Variants in ITGB1BP1 observed in about 807,000 individuals in gnomAD.
The protein encoded by ITGB1BP1 is integrin beta-1-binding protein 1.
In ITGB1BP1, 20 loss-of-function variants were observed where a neutral mutation model predicts 28.0. The observed-to-expected ratio is 0.71, with a 90% CI of 0.50 to 1.04. The LOEUF (loss-of-function observed/expected upper bound fraction) is 1.04. Ranked by LOEUF, ITGB1BP1 falls within the 50% of genes least tolerant of loss-of-function variation. ITGB1BP1 has a pLI of 0.00. For missense variants in ITGB1BP1, 228 were observed against 242.5 expected (o/e 0.94, Z 0.40); for synonymous variants, 103 against 89.5 (o/e 1.15, Z -0.85).
At chr2:9,407,183 G>A in intron 6 of ITGB1BP1, 1 of 600,440 alleles carries the variant, frequency 1.7e-6, no homozygotes, top group Non-Finnish European at 2.9e-6. Context: ...GAAGCCTTCG[G>A]CCCCTGGAGG....
At chr2:9,407,295 C>T in intron 6 of ITGB1BP1, 154 bp downstream of exon 6, 2 of 811,364 alleles carry the variant, frequency 2.5e-6, no homozygotes, top group Non-Finnish European at 3.9e-6. Context: ...ACTGTCTTGC[C>T]AGCCGGCTGA....
At chr2:9,418,553 T>A (rs963518635) in intron 2 of ITGB1BP1, 73 bp downstream of exon 2, 8 of 1,008,268 alleles carry the variant, frequency 7.9e-6, no homozygotes, top group South Asian at 2.5e-5. Flanking sequence ...GTCAGTATCC[T>A]CCATACAATA....
intron 4 of ITGB1BP1, 24 bp downstream of exon 4, chr2:9,412,245 A>T: frequency 1.9e-6 from 3 of 1,575,722 alleles, no homozygotes; most frequent in Non-Finnish European, 2.6e-6. Context: ...ATAACCAGAG[A>T]GTTACGGAAT....
At chr2:9,407,054 C>T (rs1304548114) in intron 6 of ITGB1BP1, 149 bp from the exon 7 acceptor site, 7 of 657,816 alleles carry the variant, frequency 1.1e-5, no homozygotes, top group African/African-American at 1.8e-5. Context: ...GGAACCCATA[C>T]TATGAGCTTC....
intron 2 of ITGB1BP1, among the ~76,000 whole-genome samples, chr2:9,417,085 T>A (rs573983650): frequency 1.3e-5 from 2 of 152,142 alleles, no homozygotes; most frequent in Middle Eastern, 6.8e-3. Context: ...TCCTGCCCTT[T>A]CCCTGCTCAC....
chr2:9,406,997 A>G, intron 6 of ITGB1BP1, 92 bp from the exon 7 acceptor site: 1 of 935,958 alleles, frequency 1.1e-6, no homozygotes, highest in Non-Finnish European at 1.8e-6. Flanking sequence ...TGACCCTCTT[A>G]AGACCTCTCC....
At chr2:9,407,626 G>T in intron 5 of ITGB1BP1, 28 bp from the exon 6 acceptor site, 1 of 1,612,868 alleles carries the variant, frequency 6.2e-7, no homozygotes, top group South Asian at 1.1e-5. Flanking sequence ...GATTCCGAGA[G>T]ATCAGGACTC....
chr2:9,412,269 CT>C lies in ITGB1BP1; in HGVS notation c.287del (p.Gln96ArgfsTer24). On this transcript the variant is annotated frameshift_variant and splice_region_variant, in exon 4 of 7. Transcript: ENST00000355346. LOFTEE classifies it high-confidence loss of function. The stretch of plus-strand genomic sequence containing the variant: ...GAGTTACGGAATTTTTTTTTTTTAC[CT>C]GGGCAACGTCTATATAATTTATCAG... ...LDLINYIDVAQQDGKLPFVPP... is the reference protein window; with the variant it reads ...LDLINYIDVAXQDGKLPFVPP... 1 of 1,598,226 alleles carries C rather than the reference CT, an allele frequency of 6.3e-7. No homozygotes were observed. The highest frequency in any genetic ancestry group is 1.4e-5 in the African/African-American group (1 of 73,872).
chr2:9,407,683 G>T, intron 5 of ITGB1BP1, 85 bp from the exon 6 acceptor site: 3 of 1,472,076 alleles, frequency 2.0e-6, no homozygotes, highest in East Asian at 2.3e-5. Context: ...GGCAGAGTGA[G>T]GCTTGAAACA....
rs1166903257 is a variant in ITGB1BP1, at chr2:9,406,982, A to G, written c.532-77T>C. The G allele has an allele frequency of 1.7e-5, 18 of 1,070,658 alleles. No individual in the cohort carries two copies. The Admixed American group carries it at 3.1e-4, about 18-fold the overall frequency. 66.3% of individuals were successfully genotyped at this position (1,070,658 alleles called of 1,614,324 possible). Reference sequence around the variant, plus strand: ...AACTTAATTTGGCTAGCAGAGGCACACACCTGACCCTCTTAAGACCTCTCC... The same window carrying G: ...AACTTAATTTGGCTAGCAGAGGCACGCACCTGACCCTCTTAAGACCTCTCC... On this transcript the variant is annotated intron_variant, in intron 6 of 6. Transcript: ENST00000355346.
Position 9,404,118 on chromosome 2 carries a change from C to T in ITGB1BP1, c.*2716G>A, listed in dbSNP as rs1052354588. On this transcript the variant is annotated 3_prime_UTR_variant, in exon 7 of 7. Coordinates refer to ENST00000355346, the MANE Select transcript of ITGB1BP1 (RefSeq NM_004763.5). ...CTTTAGGTGTTTTGGAATTTGCCTT[C>T]TTGAACTTCCTGAGTCACACAGAAA... 6.6e-6 allele frequency: 1 copy of T among 152,208 alleles called. No homozygotes were observed. Among genetic ancestry groups the T allele is most frequent in the Non-Finnish European group, 1.5e-5 (1 of 68,048 alleles). 9.4% of individuals were successfully genotyped at this position (152,208 alleles called of 1,614,324 possible). A position where few individuals can be genotyped will look rare whatever the true frequency, so the allele number is the denominator to read the frequency against.
Position 9,405,111 on chromosome 2 carries a change from C to T in ITGB1BP1, c.*1723G>A, listed in dbSNP as rs1003946843. 2.0e-5 allele frequency: 3 copies of T among 152,348 alleles called. No homozygotes were observed. Among genetic ancestry groups the T allele is most frequent in the African/African-American group, 7.2e-5 (3 of 41,412 alleles). 9.4% of individuals were successfully genotyped at this position (152,348 alleles called of 1,614,324 possible). ...TTCATATCAACATTAGAACTCCAGTCCCAAACTAATCTGTCAGGTTCACTG... is the reference window on the plus strand; with the variant it reads ...TTCATATCAACATTAGAACTCCAGTTCCAAACTAATCTGTCAGGTTCACTG... On this transcript the variant is annotated 3_prime_UTR_variant, in exon 7 of 7. Coordinates refer to ENST00000355346, the MANE Select transcript of ITGB1BP1 (RefSeq NM_004763.5).
intron 4 of ITGB1BP1, among the ~76,000 whole-genome samples, chr2:9,411,282 T>C (rs780711878): frequency 3.3e-5 from 5 of 152,190 alleles, no homozygotes; most frequent in Non-Finnish European, 7.3e-5. Flanking sequence ...GTGGACATCA[T>C]TATGAATTAG....
At position 9,407,489 on chromosome 2, in the gene ITGB1BP1, T is replaced by G; in HGVS notation, c.491A>C (p.Asn164Thr). The G allele has an allele frequency of 6.2e-7, 1 of 1,614,204 alleles. No individual in the cohort carries two copies. The highest frequency in any genetic ancestry group is 8.5e-7 in the Non-Finnish European group (1 of 1,180,028). The stretch of plus-strand genomic sequence containing the variant: ...ATAAACCCACAGGCTGTATTCCTCA[T>G]TGCTTGCATCTGTGGTCTTCAGAGC... ...LLALKTTDAS[N>T]EEYSLWVYQC... Residue 164 changes from asparagine (N) to threonine (T), a missense_variant, in exon 6 of 7, where the codon AAT (asparagine) becomes ACT (threonine). Around this residue, in one of 2 missense-constraint regions of ITGB1BP1, gnomAD observed 192 missense variants for 181.6 expected, o/e 1.06. Coordinates refer to ENST00000355346, the MANE Select transcript of ITGB1BP1 (RefSeq NM_004763.5).
In ITGB1BP1 at chr2:9,415,974, C is replaced by T. The variant is rs142988518; in HGVS notation, c.73-1718G>A. On this transcript the variant is annotated intron_variant, in intron 2 of 6. Transcript: ENST00000355346. This position sits in a 1 kb window ranked among gnomAD's most constrained non-coding sequence, Gnocchi z 4.1. ...AGGCATCTCCTGAGGGGGCCTTGTG[C>T]GACCCTGCGAGACGCCTCCTTCTGT... is the stretch of plus-strand genomic sequence containing the variant. Among the ~76,000 whole-genome samples the T allele has an allele frequency of 3.1e-3, 477 of 152,360 alleles. 3 individuals are homozygous for T. Among genetic ancestry groups the T allele is most frequent in the African/African-American group, 0.011 (447 of 41,580 alleles).
In ITGB1BP1 at chr2:9,409,935, C is replaced by CCTGGGTT. The variant is rs1678116524; in HGVS notation, c.289-1737_289-1731dup. Among the ~76,000 whole-genome samples, 7 of 150,798 alleles carry CCTGGGTT rather than the reference C, an allele frequency of 4.6e-5. No homozygotes were observed. In the South Asian group the frequency reaches 1.5e-3, roughly 32 times the overall value. On this transcript the variant is annotated intron_variant, in intron 4 of 6. Coordinates refer to ENST00000355346, the MANE Select transcript of ITGB1BP1 (RefSeq NM_004763.5). The stretch of plus-strand genomic sequence containing the variant: ...TCTCGGCTCACTGCAACCTCCACCT[C>CCTGGGTT]CTGGGTTCAAGCGATTCTCCTGCCT...
upstream of ITGB1BP1, chr2:9,423,556 C>T: frequency 8.7e-7 from 1 of 1,147,290 alleles, no homozygotes; most frequent in Non-Finnish European, 1.2e-6. Context: ...ACGTCCTACC[C>T]CCGGTTCCAA....
At chr2:9,414,157 T>C (rs747957338) in intron 3 of ITGB1BP1, 21 bp downstream of exon 3, 2 of 1,602,036 alleles carry the variant, frequency 1.2e-6, no homozygotes, top group South Asian at 1.1e-5. Context: ...AGACAATCAA[T>C]GATCCAACCC....
intron 2 of ITGB1BP1, 95 bp from the exon 3 acceptor site, chr2:9,414,351 G>T: frequency 1.2e-6 from 1 of 835,460 alleles, no homozygotes; most frequent in Non-Finnish European, 2.0e-6. Flanking sequence ...TTAGAGTTGA[G>T]CTGACACATA....
Sources: allele counts gnomAD v4.1 joint callset (sites outside exome capture counted in the v4.1 genomes callset), GRCh38; gene constraint gnomAD v4.1.1; regional missense constraint gnomAD v4.1.1; non-coding constraint Gnocchi (gnomAD v3.1); transcripts MANE v1.5; gene names NCBI Gene and HGNC (gene_info 2026-07-23, HGNC 2026-07-21).